The following COX7B2 variants were observed in gnomAD, a reference collection of about 807,000 sequenced individuals.
COX7B2 encodes cytochrome c oxidase subunit 7B2, also known as cytochrome c oxidase subunit 7B2, mitochondrial.
For synonymous variants in COX7B2, 37 were observed against 32.1 expected, an observed-to-expected ratio of 1.15 and a Z score of -0.51; for missense variants, 109 against 95.9, an observed-to-expected ratio of 1.14 and a Z score of -0.57.
At chr4:46,900,231 AG>A (rs1309793637) in intron 1 of COX7B2, among the ~76,000 whole-genome samples, 2 of 152,156 alleles carry the variant, frequency 1.3e-5, no homozygotes, top group African/African-American at 4.8e-5. Flanking sequence ...CAGGGCTTGG[AG>A]ACATCTCTAG....
At chr4:46,844,256 T>A (rs111793278) in intron 2 of COX7B2, among the ~76,000 whole-genome samples, 3,711 of 152,092 alleles carry the variant, frequency 0.024, 138 homozygotes, top group African/African-American at 0.085. Flanking sequence ...TTAATAAATG[T>A]CATATTATTG....
chr4:46,878,859 T>G (rs1385254511), intron 1 of COX7B2, among the ~76,000 whole-genome samples: 1 of 152,120 alleles, frequency 6.6e-6, no homozygotes, highest in Non-Finnish European at 1.5e-5. Flanking sequence ...CTACTTACAT[T>G]TCATTGGCCA....
chr4:46,776,716 T>A (rs1717173263), intron 2 of COX7B2, among the ~76,000 whole-genome samples: 1 of 152,084 alleles, frequency 6.6e-6, no homozygotes, highest in African/African-American at 2.4e-5. Flanking sequence ...CAGCTACAGA[T>A]GGAACAATAA....
At chr4:46,887,050 G>A (rs1027398316) in intron 1 of COX7B2, among the ~76,000 whole-genome samples, 11 of 152,138 alleles carry the variant, frequency 7.2e-5, no homozygotes, top group African/African-American at 2.7e-4. Flanking sequence ...TAACTATTAT[G>A]TGTGCCTCAC....
chr4:46,803,973 C>T (rs1019858522), intron 2 of COX7B2, among the ~76,000 whole-genome samples: 12 of 151,808 alleles, frequency 7.9e-5, no homozygotes, highest in African/African-American at 2.7e-4. Context: ...AGCTGCGGAC[C>T]CTTGCAGTGT....
chr4:46,839,860 T>G (rs1715812109), intron 2 of COX7B2, among the ~76,000 whole-genome samples: 1 of 152,084 alleles, frequency 6.6e-6, no homozygotes, highest in Non-Finnish European at 1.5e-5. Flanking sequence ...GGTCTTAATA[T>G]ATGGTTGTTG....
rs555986981 is a variant in COX7B2 at position 46,756,224 on chromosome 4, T to C, written c.-49-20983A>G. On this transcript the variant is annotated intron_variant, in intron 2 of 2. Coordinates refer to ENST00000355591, the MANE Select transcript of COX7B2 (RefSeq NM_130902.3). The stretch of plus-strand genomic sequence containing the variant: ...TATGCAGTGGATAAAGGACATCCTA[T>C]TCAATAATGTTGCTGGGAGATCAGA... Among the ~76,000 whole-genome samples, 3 of 152,194 alleles carry C rather than the reference T, an allele frequency of 2.0e-5. No individual in the cohort carries two copies. In the South Asian group the frequency reaches 6.2e-4, roughly 32 times the overall value.
chr4:46,847,549 T>G (rs561811602), intron 1 of COX7B2, among the ~76,000 whole-genome samples: 5 of 152,220 alleles, frequency 3.3e-5, no homozygotes, highest in African/African-American at 1.2e-4. Flanking sequence ...GTGAGCAGAC[T>G]TCTGACACAC....
intron 2 of COX7B2, among the ~76,000 whole-genome samples, chr4:46,825,992 C>T (rs1369624856): frequency 6.6e-6 from 1 of 152,040 alleles, no homozygotes; most frequent in Non-Finnish European, 1.5e-5. Context: ...GACAAAGATG[C>T]CAAAAGCTAT....
intron 2 of COX7B2, among the ~76,000 whole-genome samples, chr4:46,821,132 G>A (rs1487665509): frequency 6.6e-6 from 1 of 152,040 alleles, no homozygotes; most frequent in African/African-American, 2.4e-5. Context: ...TCCGAATTCA[G>A]TCTCAAATAT....
At chr4:46,807,498 GT>G (rs141576144) in intron 2 of COX7B2, among the ~76,000 whole-genome samples, 1 of 151,750 alleles carries the variant, frequency 6.6e-6, no homozygotes, top group Non-Finnish European at 1.5e-5. Context: ...CTATACAGGA[GT>G]TTTTTTAGTT....
intron 2 of COX7B2, among the ~76,000 whole-genome samples, chr4:46,750,042 T>C (rs979685391): frequency 6.6e-6 from 1 of 152,146 alleles, no homozygotes; most frequent in Non-Finnish European, 1.5e-5. Context: ...TTATGTTCTA[T>C]CCAATTCCAC....
intron 2 of COX7B2, among the ~76,000 whole-genome samples, chr4:46,762,265 A>G (rs550046427): frequency 2.1e-5 from 3 of 141,424 alleles, no homozygotes; most frequent in African/African-American, 7.8e-5. Flanking sequence ...TATATAATAT[A>G]TTTAATATAT....
intron 2 of COX7B2, among the ~76,000 whole-genome samples, chr4:46,765,260 T>C (rs1473516990): frequency 6.6e-6 from 1 of 152,124 alleles, no homozygotes; most frequent in Non-Finnish European, 1.5e-5. Context: ...AAAAACAGTT[T>C]CACAAAACTT....
At chr4:46,823,426 C>T (rs1714445706) in intron 2 of COX7B2, among the ~76,000 whole-genome samples, 1 of 151,022 alleles carries the variant, frequency 6.6e-6, no homozygotes, top group Admixed American at 6.6e-5. Context: ...ATTTCTAGCC[C>T]ATAAGGGAAT....
chr4:46,892,781 C>T (rs956214336), intron 1 of COX7B2, among the ~76,000 whole-genome samples: 1 of 152,142 alleles, frequency 6.6e-6, no homozygotes, highest in Non-Finnish European at 1.5e-5. Context: ...TGGACCGATA[C>T]GGTTTCGCTG....
intron 2 of COX7B2, among the ~76,000 whole-genome samples, chr4:46,834,681 A>T (rs1715391701): frequency 6.6e-6 from 1 of 152,158 alleles, no homozygotes; most frequent in South Asian, 2.1e-4. Flanking sequence ...TCAGTCCAAT[A>T]TAATACATTA....
intron 1 of COX7B2, among the ~76,000 whole-genome samples, chr4:46,874,212 C>A (rs1235583203): frequency 1.3e-5 from 2 of 151,962 alleles, no homozygotes; most frequent in South Asian, 2.1e-4. Flanking sequence ...AAACATAAGA[C>A]CAAAATCAAA....
intron 2 of COX7B2, among the ~76,000 whole-genome samples, chr4:46,782,759 C>T (rs569146021): frequency 5.3e-5 from 8 of 152,256 alleles, no homozygotes; most frequent in African/African-American, 1.9e-4. Context: ...ACTCAAGATG[C>T]GCTGCCTTTA....
Sources: allele counts gnomAD v4.1 joint callset (sites outside exome capture counted in the v4.1 genomes callset), GRCh38; gene constraint gnomAD v4.1.1; transcripts MANE v1.5; gene names NCBI Gene and HGNC (gene_info 2026-07-23, HGNC 2026-07-21).